FRMD4A: variants seen among roughly 807,000 people sequenced by gnomAD.
The protein encoded by FRMD4A is FERM domain-containing protein 4A.
Under a neutral mutation model 129.1 loss-of-function variants are expected in FRMD4A, and 29 were observed. The observed-to-expected ratio is 0.22, with a 90% CI of 0.17 to 0.31. The LOEUF (loss-of-function observed/expected upper bound fraction) is 0.31, where lower values mean the gene tolerates loss of function less well. FRMD4A is among the 10% of genes least tolerant of loss of function. The pLI, the probability that FRMD4A is intolerant of heterozygous loss-of-function variation, is 1.00. For missense variants in FRMD4A, 1,272 were observed against 1,375.8 expected (o/e 0.92, Z 1.19); for synonymous variants, 634 against 571.6 (o/e 1.11, Z -1.56).
chr10:13,781,558 A>T (rs1018875933), intron 6 of FRMD4A, among the ~76,000 whole-genome samples: 1 of 151,704 alleles, frequency 6.6e-6, no homozygotes, highest in Non-Finnish European at 1.5e-5. Context: ...TTGTATTTTT[A>T]ATAGAGATGG....
chr10:14,218,154 A>G (rs144427472), intron 2 of FRMD4A, among the ~76,000 whole-genome samples: 1 of 152,202 alleles, frequency 6.6e-6, no homozygotes, highest in African/African-American at 2.4e-5. Flanking sequence ...TTTTTTTGCA[A>G]TCTATATCCA....
At chr10:14,279,000 G>C (rs12256837) in intron 2 of FRMD4A, among the ~76,000 whole-genome samples, 1,943 of 152,162 alleles carry the variant, frequency 0.013, 36 homozygotes, top group South Asian at 0.043. Context: ...GTAAGGTATG[G>C]ACACTGCTTT....
intron 2 of FRMD4A, among the ~76,000 whole-genome samples, chr10:14,127,920 TTC>T (rs1310040844): frequency 2.0e-3 from 7 of 3,450 alleles, no homozygotes; most frequent in Admixed American, 8.3e-3. Context: ...CTTTCTTTCT[TTC>T]TTTCTTTCTT....
Position 13,852,208 on chromosome 10 carries a change from T to C in FRMD4A, c.111+6639A>G, listed in dbSNP as rs188785602. ...TCTAGAAATAGCCATCCAAAAGAAA[T>C]ACAACGTGAGCCACAAAAGTTAGCC... is the stretch of plus-strand genomic sequence containing the variant. On this transcript the variant is annotated intron_variant, in intron 3 of 24. Coordinates refer to ENST00000357447, the MANE Select transcript of FRMD4A (RefSeq NM_018027.5). 6.6e-5 allele frequency among the ~76,000 whole-genome samples: 10 copies of C among 151,888 alleles called. No individual in the cohort carries two copies. In the East Asian group the frequency reaches 1.9e-3, roughly 29 times the overall value.
intron 2 of FRMD4A, among the ~76,000 whole-genome samples, chr10:14,170,868 C>T (rs1841438998): frequency 6.6e-6 from 1 of 152,044 alleles, no homozygotes; most frequent in Non-Finnish European, 1.5e-5. Flanking sequence ...TCCTCTCCAC[C>T]TTCTTTTGAT....
intron 2 of FRMD4A, among the ~76,000 whole-genome samples, chr10:14,027,080 G>A (rs927827439): frequency 1.3e-5 from 2 of 152,152 alleles, no homozygotes; most frequent in Non-Finnish European, 2.9e-5. Context: ...ATCCCCTCAA[G>A]CATTTATCCT....
chr10:13,868,051 C>T (rs11258681), intron 2 of FRMD4A, among the ~76,000 whole-genome samples: 7,393 of 149,510 alleles, frequency 0.049, 687 homozygotes, highest in East Asian at 0.42. Context: ...CCCAGGAGTT[C>T]GAGACCAGCC....
intron 7 of FRMD4A, 28 bp from the exon 8 acceptor site, chr10:13,761,697 G>A (rs781285834): frequency 5.9e-6 from 9 of 1,538,042 alleles, no homozygotes; most frequent in Admixed American, 1.7e-5. Context: ...CAACATCAGC[G>A]AAATACACTA....
chr10:13,927,875 T>A (rs1245565788), intron 2 of FRMD4A, among the ~76,000 whole-genome samples: 1 of 152,212 alleles, frequency 6.6e-6, no homozygotes, highest in East Asian at 1.9e-4. Context: ...ATGTAACAGA[T>A]TTTTTTCCTT....
At chr10:13,886,239 C>T (rs373096840) in intron 2 of FRMD4A, among the ~76,000 whole-genome samples, 1,612 of 112,434 alleles carry the variant, frequency 0.014, 29 homozygotes, top group Middle Eastern at 0.033. Flanking sequence ...TGTTTTTTTT[C>T]CCATGCGTTC....
At chr10:13,986,212 G>A (rs1028756653) in intron 2 of FRMD4A, among the ~76,000 whole-genome samples, 6 of 151,942 alleles carry the variant, frequency 3.9e-5, no homozygotes, top group African/African-American at 1.5e-4. Context: ...GTTTATTGCG[G>A]CACTATTCAC....
intron 19 of FRMD4A, among the ~76,000 whole-genome samples, chr10:13,663,208 T>C (rs1426498210): frequency 6.6e-6 from 1 of 151,566 alleles, no homozygotes; most frequent in Non-Finnish European, 1.5e-5. Context: ...AAAAAAAAGT[T>C]TTTGGCTTCT....
At chr10:14,138,884 T>A (rs1322785632) in intron 2 of FRMD4A, among the ~76,000 whole-genome samples, 1 of 152,214 alleles carries the variant, frequency 6.6e-6, no homozygotes, top group Admixed American at 6.5e-5. Flanking sequence ...CAGGAACATT[T>A]TTCTACTGTT....
chr10:13,901,539 G>T (rs149669716), intron 2 of FRMD4A, among the ~76,000 whole-genome samples: 222 of 151,808 alleles, frequency 1.5e-3, no homozygotes, highest in African/African-American at 5.1e-3. Flanking sequence ...AGCCCAGGAG[G>T]TGGAGGTTGC....
At chr10:14,316,620 G>A (rs1324454463) in intron 2 of FRMD4A, among the ~76,000 whole-genome samples, 1 of 151,976 alleles carries the variant, frequency 6.6e-6, no homozygotes, top group East Asian at 1.9e-4. Flanking sequence ...CTCTCAGAAG[G>A]AAAGAAAGAA....
chr10:14,301,832 A>AT (rs1024402132), intron 2 of FRMD4A, among the ~76,000 whole-genome samples: 40 of 152,174 alleles, frequency 2.6e-4, no homozygotes, highest in African/African-American at 9.4e-4. Flanking sequence ...TGAGCTTGTG[A>AT]TTTTTTTCAA....
intron 2 of FRMD4A, among the ~76,000 whole-genome samples, chr10:14,183,766 G>A (rs566429932): frequency 6.6e-6 from 1 of 152,284 alleles, no homozygotes; most frequent in Non-Finnish European, 1.5e-5. Flanking sequence ...TTCATAAACA[G>A]AGACACTCAT....
chr10:13,770,412 T>C (rs2092423101), intron 6 of FRMD4A, among the ~76,000 whole-genome samples: 2 of 152,202 alleles, frequency 1.3e-5, no homozygotes, highest in Admixed American at 6.5e-5. Context: ...ATCGTTCTTT[T>C]ATTAACTTAT....
chr10:14,285,514 C>T (rs1275679999), intron 2 of FRMD4A, among the ~76,000 whole-genome samples: 2 of 152,218 alleles, frequency 1.3e-5, no homozygotes, highest in African/African-American at 2.4e-5. Flanking sequence ...AAAGCAAAAT[C>T]CTAATATCCC....
Sources: allele counts gnomAD v4.1 joint callset (sites outside exome capture counted in the v4.1 genomes callset), GRCh38; gene constraint gnomAD v4.1.1; transcripts MANE v1.5; gene names NCBI Gene and HGNC (gene_info 2026-07-23, HGNC 2026-07-21).